The following BTG4 variants were observed in gnomAD, a reference collection of about 807,000 sequenced individuals.
The protein encoded by BTG4 is protein BTG4.
In BTG4, 10 loss-of-function variants were observed where a neutral mutation model predicts 19.3. The observed-to-expected ratio is 0.52, with a 90% CI of 0.32 to 0.88. The LOEUF (loss-of-function observed/expected upper bound fraction) is 0.88. Among genes scored for constraint, BTG4 ranks in the 40% least tolerant of loss-of-function variants. The pLI is 0.04. For missense variants in BTG4, 238 were observed against 281.9 expected (o/e 0.84, Z 1.11); for synonymous variants, 91 against 95.7 (o/e 0.95, Z 0.29).
chr11:111,418,529 G>A, the BTG4 span, among the ~76,000 whole-genome samples: 11 of 152,304 alleles, frequency 7.2e-5, no homozygotes, highest in South Asian at 4.1e-4. Context: ...TCTGTCTTCC[G>A]CATAGAATGT....
chr11:111,487,095 TA>T (rs1459675838), intron 5 of BTG4, among the ~76,000 whole-genome samples: 1 of 152,198 alleles, frequency 6.6e-6, no homozygotes, highest in African/African-American at 2.4e-5. Flanking sequence ...GTTTCTGTGT[TA>T]GTTTGCTAAG....
At chr11:111,429,786 A>C in the BTG4 span, among the ~76,000 whole-genome samples, 3 of 152,222 alleles carry the variant, frequency 2.0e-5, no homozygotes, top group Non-Finnish European at 4.4e-5. Flanking sequence ...GAGAACGTAA[A>C]GGGGCAACTC....
chr11:111,503,558 T>C (rs1216255236), intron 1 of BTG4, among the ~76,000 whole-genome samples: 1 of 151,980 alleles, frequency 6.6e-6, no homozygotes, highest in South Asian at 2.1e-4. Context: ...GAACTATCCA[T>C]AGTAGAGCAA....
At position 111,471,804 on chromosome 11, in the gene BTG4, G is replaced by A. The variant is rs147941124; in HGVS notation, c.663-4123C>T. On this transcript the variant is annotated intron_variant, in intron 5 of 5. Transcript: ENST00000356018. ...GTTTCAAACTCAACATGTCCAAAAC[G>A]CAATTTTTAATTTCTTTCCAAACCT... Among the ~76,000 whole-genome samples, 345 of 152,198 alleles carry A rather than the reference G, an allele frequency of 2.3e-3. 1 individual carries two copies. Among genetic ancestry groups the A allele is most frequent in the African/African-American group, 7.8e-3 (325 of 41,534 alleles).
intron 1 of BTG4, among the ~76,000 whole-genome samples, chr11:111,502,628 T>C (rs2135708786): frequency 6.6e-6 from 1 of 152,338 alleles, no homozygotes; most frequent in East Asian, 1.9e-4. Context: ...ACAGATGCAT[T>C]AACAAACACA....
the BTG4 span, among the ~76,000 whole-genome samples, chr11:111,451,585 A>G: frequency 8.5e-5 from 13 of 152,078 alleles, no homozygotes; most frequent in African/African-American, 2.9e-4. Context: ...ACCAACATGG[A>G]GAAACCCTGT....
Position 111,468,361 on chromosome 11 carries a change from G to T in BTG4, c.663-680C>A, listed in dbSNP as rs532775135. The stretch of plus-strand genomic sequence containing the variant: ...GCCTTACAGGCATGGTCTCATTTAC[G>T]ACTCACAACACTATGGGGTACTTTT... On this transcript the variant is annotated intron_variant, in intron 5 of 5. Coordinates refer to the BTG4 transcript ENST00000356018. Among the ~76,000 whole-genome samples the T allele has an allele frequency of 1.1e-4, 16 of 152,316 alleles. No individual in the cohort carries two copies. The East Asian group carries it at 2.9e-3, about 28-fold the overall frequency.
At chr11:111,383,997 G>A in the BTG4 span, among the ~76,000 whole-genome samples, 1 of 152,014 alleles carries the variant, frequency 6.6e-6, no homozygotes, top group South Asian at 2.1e-4. Flanking sequence ...ATTGTGAATG[G>A]CATCTTGTTT....
the BTG4 span, chr11:111,385,560 T>C: frequency 1.2e-4 from 19 of 152,104 alleles, no homozygotes; most frequent in African/African-American, 1.7e-4. Flanking sequence ...TAAGGACTAA[T>C]ACATCATGAT....
At chr11:111,433,211 T>C in the BTG4 span, among the ~76,000 whole-genome samples, 1 of 152,178 alleles carries the variant, frequency 6.6e-6, no homozygotes, top group Non-Finnish European at 1.5e-5. Context: ...TTAAAGATCA[T>C]CCAATCTGAT....
chr11:111,428,072 G>A, the BTG4 span, among the ~76,000 whole-genome samples: 8 of 152,268 alleles, frequency 5.3e-5, no homozygotes, highest in African/African-American at 1.2e-4. Flanking sequence ...ACTAATGGCC[G>A]TATTTTCCTC....
At chr11:111,410,356 T>G in the BTG4 span, among the ~76,000 whole-genome samples, 2 of 152,246 alleles carry the variant, frequency 1.3e-5, no homozygotes, top group South Asian at 4.2e-4. Context: ...CCTCCTGATA[T>G]AACTAGAGAT....
the BTG4 span, among the ~76,000 whole-genome samples, chr11:111,420,311 G>A: frequency 2.0e-4 from 31 of 152,194 alleles, no homozygotes; most frequent in Admixed American, 2.0e-3. Flanking sequence ...CCACAGCAGG[G>A]TAGACCAATC....
chr11:111,477,674 A>G (rs1056696980), intron 5 of BTG4, among the ~76,000 whole-genome samples: 4 of 152,112 alleles, frequency 2.6e-5, no homozygotes, highest in Non-Finnish European at 5.9e-5. Context: ...TGAGTTCTAA[A>G]GATTTTCTTT....
chr11:111,458,913 C>A, the BTG4 span, among the ~76,000 whole-genome samples: 6 of 152,322 alleles, frequency 3.9e-5, no homozygotes, highest in East Asian at 9.6e-4. Flanking sequence ...CCCCTCCCTG[C>A]CACTGTTTTA....
Position 111,498,022 on chromosome 11 carries a change from A to G in BTG4, c.287T>C (p.Val96Ala). The change falls in exon 3 of 5, where the codon GTA (valine) becomes GCA (alanine). Residue 96 changes from valine (V) to alanine (A), a missense_variant. Physicochemically the swap from Val to Ala is moderately conservative, Grantham distance 64 (BLOSUM62 0). Transcript: ENST00000692032. ...CCTACAGCATACTTCAAAGGGATCT[A>G]CCCATATGGTCATCTCCTTCGGAAG... ...LGLPKEMTIW[V>A]DPFEVCCRYG... 2 of 1,614,120 alleles carry G rather than the reference A, an allele frequency of 1.2e-6. No homozygotes were observed.
the BTG4 span, among the ~76,000 whole-genome samples, chr11:111,411,540 C>T: frequency 2.5e-3 from 374 of 152,306 alleles, 1 homozygote; most frequent in African/African-American, 8.4e-3. Context: ...AACGTGCTTT[C>T]TTTTCCTTCA....
chr11:111,477,481 A>G (rs1471641453), intron 5 of BTG4, among the ~76,000 whole-genome samples: 2 of 152,170 alleles, frequency 1.3e-5, no homozygotes, highest in East Asian at 3.8e-4. Context: ...TTATTTCAAA[A>G]GTGATACATA....
At chr11:111,398,787 G>T in the BTG4 span, among the ~76,000 whole-genome samples, 8 of 144,558 alleles carry the variant, frequency 5.5e-5, no homozygotes, top group Non-Finnish European at 7.7e-5. Context: ...TTTTGTTTTT[G>T]TTTTTTTTTT....
Sources: allele counts gnomAD v4.1 joint callset (sites outside exome capture counted in the v4.1 genomes callset), GRCh38; gene constraint gnomAD v4.1.1; transcripts MANE v1.5; gene names NCBI Gene and HGNC (gene_info 2026-07-23, HGNC 2026-07-21).